CECR2: variants seen among roughly 807,000 people sequenced by gnomAD.
CECR2 encodes the protein chromatin remodeling regulator CECR2.
In CECR2, 30 loss-of-function variants were observed where a neutral mutation model predicts 154.5. The observed-to-expected ratio is 0.19, with a 90% CI of 0.15 to 0.26. The LOEUF is 0.26. Ranked by LOEUF, CECR2 falls within the 10% of genes least tolerant of loss-of-function variation. The probability of loss-of-function intolerance (pLI) is 1.00; values close to 1 mark genes in which losing one functional copy is unlikely to be tolerated. For synonymous variants in CECR2, 725 were observed against 683.7 expected (o/e 1.06, Z -0.94); for missense variants, 1,743 against 1,829.3 (o/e 0.95, Z 0.86).
chr22:17,381,429 A>G (rs1328511530), intron 1 of CECR2, among the ~76,000 whole-genome samples: 1 of 152,148 alleles, frequency 6.6e-6, no homozygotes, highest in Non-Finnish European at 1.5e-5. Flanking sequence ...GGCCAGTTTT[A>G]GTGCAAGTGC....
intron 1 of CECR2, among the ~76,000 whole-genome samples, chr22:17,473,038 A>G (rs2055153420): frequency 6.6e-6 from 1 of 152,106 alleles, no homozygotes; most frequent in East Asian, 1.9e-4. Context: ...CAGCCACTGC[A>G]CGGCTCGAAG....
Position 17,552,774 on chromosome 22 carries a change from G to GTTTTTTTTTTTTTTTTTTTT in CECR2, c.4390-48_4390-47insTTTTTTTTTTTTTTTTTTTT, listed in dbSNP as rs695569. The GTTTTTTTTTTTTTTTTTTTT allele has an allele frequency of 2.4e-3, 2,282 of 940,026 alleles. 89 individuals carry two copies. Among genetic ancestry groups the GTTTTTTTTTTTTTTTTTTTT allele is most frequent in the South Asian group, 2.7e-3 (166 of 61,762 alleles). The allele number at this position is 940,026 out of a possible 1,614,324, so 58.2% of individuals were successfully genotyped here. On this transcript the variant is annotated intron_variant, in intron 18 of 18. Transcript: ENST00000262608. The stretch of plus-strand genomic sequence containing the variant: ...CTTGGACATTCTTTGGCTTACTTAA[G>GTTTTTTTTTTTTTTTTTTTT]TTTTTTTTTTTTTAACAACCCAATT...
At chr22:17,459,171 G>A (rs1453133580) in intron 1 of CECR2, among the ~76,000 whole-genome samples, 1 of 152,206 alleles carries the variant, frequency 6.6e-6, no homozygotes, top group Non-Finnish European at 1.5e-5. Context: ...GCATATTCCA[G>A]TTACAGTAAG....
rs755893770 is a variant in CECR2, at chr22:17,497,630, A to G, written c.405+44A>G. On this transcript the variant is annotated intron_variant, in intron 3 of 18. Transcript: ENST00000262608. Reference sequence around the variant, plus strand: ...CCTTTCCCTGTAGCTGTGAAAAGCCAGCAATCAGAAATGTAGTCAGAACGT... The same window carrying G: ...CCTTTCCCTGTAGCTGTGAAAAGCCGGCAATCAGAAATGTAGTCAGAACGT... 2.5e-6 allele frequency: 4 copies of G among 1,588,996 alleles called. No individual in the cohort carries two copies. The African/African-American group carries it at 4.0e-5, about 16-fold the overall frequency.
intron 2 of CECR2, among the ~76,000 whole-genome samples, chr22:17,488,881 T>G (rs2055473391): frequency 1.3e-5 from 2 of 152,230 alleles, no homozygotes; most frequent in Non-Finnish European, 2.9e-5. Context: ...TCCAAACACT[T>G]GCAACATTTA....
rs2056532409 is a variant in CECR2, at chr22:17,542,060, C to T, written c.2013+93C>T. On this transcript the variant is annotated intron_variant, in intron 15 of 18. Coordinates refer to ENST00000262608, the MANE Select transcript of CECR2 (RefSeq NM_001290047.2). ...TTTCCAGGTTAAATGTTGTTCATTG[C>T]GTCCTTTCCCAAAGAGTCTGTTCCC... 1.3e-5 allele frequency: 20 copies of T among 1,566,424 alleles called. No homozygotes were observed. The South Asian group carries it at 1.5e-4, about 12-fold the overall frequency.
Position 17,504,823 on chromosome 22 carries a change from T to C in CECR2, c.701-24T>C, listed in dbSNP as rs553171925. On this transcript the variant is annotated intron_variant, in intron 6 of 18. Coordinates refer to ENST00000262608, the MANE Select transcript of CECR2 (RefSeq NM_001290047.2). Reference sequence around the variant, plus strand: ...AAGGTCCTCATGGGATCTCCTGTAGTGAATCCGTTCCTTTATTTTCTAGGG... The same window carrying C: ...AAGGTCCTCATGGGATCTCCTGTAGCGAATCCGTTCCTTTATTTTCTAGGG... The C allele has an allele frequency of 1.6e-5, 26 of 1,604,424 alleles. 1 individual carries two copies. The South Asian group carries it at 2.8e-4, about 17-fold the overall frequency.
At position 17,554,137 on chromosome 22, in the gene CECR2, T is replaced by A. The variant is rs2056748282; in HGVS notation, c.*1297T>A. 1 of 152,214 alleles carries A rather than the reference T, an allele frequency of 6.6e-6. No individual in the cohort carries two copies. Among genetic ancestry groups the A allele is most frequent in the South Asian group, 2.1e-4 (1 of 4,834 alleles). The allele number at this position is 152,214 out of a possible 1,614,324, so 9.4% of individuals were successfully genotyped here. A position where few individuals can be genotyped will look rare whatever the true frequency, so the allele number is the denominator to read the frequency against. On this transcript the variant is annotated 3_prime_UTR_variant, in exon 19 of 19. Transcript: ENST00000262608. ...CAGTATTAAATTACTTTATTACAGTTGTAGAGTTGAATTACACTGGATTCT... is the reference window on the plus strand; with the variant it reads ...CAGTATTAAATTACTTTATTACAGTAGTAGAGTTGAATTACACTGGATTCT...
intron 1 of CECR2, among the ~76,000 whole-genome samples, chr22:17,431,264 G>A (rs2054417838): frequency 6.6e-6 from 1 of 152,200 alleles, no homozygotes; most frequent in Non-Finnish European, 1.5e-5. Flanking sequence ...TCAAGAAACT[G>A]AAACTTACAG....
intron 16 of CECR2, among the ~76,000 whole-genome samples, chr22:17,545,783 C>T (rs963116353): frequency 6.8e-6 from 1 of 147,238 alleles, no homozygotes; most frequent in African/African-American, 2.5e-5. Flanking sequence ...GCTGAGGTTG[C>T]AGTGAGCCGA....
intron 1 of CECR2, among the ~76,000 whole-genome samples, chr22:17,472,874 T>G (rs1398125303): frequency 6.6e-6 from 1 of 152,210 alleles, no homozygotes; most frequent in Non-Finnish European, 1.5e-5. Flanking sequence ...CTGGAAATTA[T>G]CTTCGTGTAT....
At chr22:17,444,934 C>A (rs2054636451) in intron 1 of CECR2, among the ~76,000 whole-genome samples, 1 of 152,050 alleles carries the variant, frequency 6.6e-6, no homozygotes, top group Non-Finnish European at 1.5e-5. Context: ...GAATATTCCA[C>A]AAAAAAACCA....
Position 17,542,756 on chromosome 22 carries a change from G to A in CECR2, c.2613G>A (p.Arg871=). The part of the protein sequence containing the change: ...SLFGAPAQAL[R]GVQGGDSMMD... The stretch of plus-strand genomic sequence containing the variant: ...TTGGAGCACCTGCCCAGGCTCTTCG[G>A]GGGGTGCAGGGAGGGGACTCCATGA... The change falls in exon 16 of 19, where the codon CGG becomes CGA. Residue 871 remains arginine (R), a synonymous_variant. Transcript: ENST00000262608. The A allele has an allele frequency of 6.2e-7, 1 of 1,613,986 alleles. No individual in the cohort carries two copies. The highest frequency in any genetic ancestry group is 8.5e-7 in the Non-Finnish European group (1 of 1,179,888).
upstream of CECR2, among the ~76,000 whole-genome samples, chr22:17,368,069 T>C (rs898591407): frequency 3.7e-4 from 57 of 152,142 alleles, no homozygotes; most frequent in Non-Finnish European, 6.9e-4. Flanking sequence ...ATGATGTATT[T>C]TGAGATTACT....
rs966436366 is a variant in CECR2 at position 17,554,842 on chromosome 22, G to A, written c.*2002G>A. On this transcript the variant is annotated 3_prime_UTR_variant, in exon 19 of 19. Transcript: ENST00000262608. The stretch of plus-strand genomic sequence containing the variant: ...TGGGTCTGCCCTTTAGCTAGTATCC[G>A]CTAACATGGGGCATTACTACTTCAG... The A allele has an allele frequency of 1.3e-5, 2 of 152,234 alleles. No individual in the cohort carries two copies. Among genetic ancestry groups the A allele is most frequent in the African/African-American group, 2.4e-5 (1 of 41,462 alleles). The allele number at this position is 152,234 out of a possible 1,614,324, so 9.4% of individuals were successfully genotyped here.
chr22:17,390,727 G>A (rs191418338), intron 1 of CECR2, among the ~76,000 whole-genome samples: 30 of 152,118 alleles, frequency 2.0e-4, no homozygotes, highest in African/African-American at 6.7e-4. Flanking sequence ...CCTCAACCTC[G>A]CCGGTCCCAA....
intron 1 of CECR2, among the ~76,000 whole-genome samples, chr22:17,428,798 T>TTG (rs60474818): frequency 0.012 from 1,575 of 136,412 alleles, 14 homozygotes; most frequent in Middle Eastern, 0.047. Context: ...ATGTTTTTAT[T>TTG]TGTGTGTGTG....
intron 1 of CECR2, among the ~76,000 whole-genome samples, chr22:17,432,224 C>T (rs2054436034): frequency 1.3e-5 from 2 of 152,176 alleles, no homozygotes; most frequent in Non-Finnish European, 2.9e-5. Context: ...TCACACAGCC[C>T]TACTGTGGCC....
Position 17,450,504 on chromosome 22 carries a change from C to T in CECR2, c.127-27084C>T, listed in dbSNP as rs2054751563. ...CAGGCTGGTTTCAAATTCCTGACCT[C>T]GTGATTCTCCTGCCTCGGCCTCCCA... On this transcript the variant is annotated intron_variant, in intron 1 of 18. Coordinates refer to ENST00000262608, the MANE Select transcript of CECR2 (RefSeq NM_001290047.2). Among the ~76,000 whole-genome samples, 5 of 152,124 alleles carry T rather than the reference C, an allele frequency of 3.3e-5. No individual in the cohort carries two copies. In the South Asian group the frequency reaches 6.2e-4, roughly 19 times the overall value.
Sources: gnomAD v4.1 joint callset for allele counts (sites outside exome capture counted in the v4.1 genomes callset) on GRCh38, gnomAD v4.1.1 for gene constraint, MANE v1.5 for transcripts, NCBI Gene and HGNC (gene_info 2026-07-23, HGNC 2026-07-21) for gene names.